Variants in SND1 observed in about 807,000 individuals in gnomAD.
SND1 encodes the protein staphylococcal nuclease and tudor domain containing 1.
SND1 carries 38 observed loss-of-function variants against 121.7 expected under a neutral mutation model. The observed-to-expected ratio is 0.31, with a 90% CI of 0.24 to 0.41. SND1 has a LOEUF of 0.41. Ranked by LOEUF, SND1 falls within the 10% of genes least tolerant of loss-of-function variation. The probability of loss-of-function intolerance (pLI) is 1.00; values close to 1 mark genes in which losing one functional copy is unlikely to be tolerated. For synonymous variants in SND1, 401 were observed against 447.4 expected (o/e 0.90, Z 1.31); for missense variants, 868 against 1,184.6 (o/e 0.73, Z 3.92).
chr7:127,963,434 T>A (rs1379182470), intron 15 of SND1, among the ~76,000 whole-genome samples: 3 of 137,652 alleles, frequency 2.2e-5, no homozygotes, highest in Non-Finnish European at 3.1e-5. Context: ...CCCCAGAGTG[T>A]GATATTCCCC....
intron 12 of SND1, 133 bp downstream of exon 12, chr7:127,844,557 G>A (rs1159740009): frequency 1.6e-6 from 1 of 633,346 alleles, no homozygotes; most frequent in African/African-American, 1.9e-5. Flanking sequence ...ATAATTTTGT[G>A]CCTGTGTAGC....
chr7:127,987,026 A>G (rs546342295), intron 15 of SND1, among the ~76,000 whole-genome samples: 2 of 152,356 alleles, frequency 1.3e-5, no homozygotes, highest in East Asian at 1.9e-4. Flanking sequence ...CTGAGTTAAT[A>G]TATCTTTATC....
chr7:127,936,550 C>G (rs142762957), intron 15 of SND1, among the ~76,000 whole-genome samples: 258 of 151,824 alleles, frequency 1.7e-3, no homozygotes, highest in African/African-American at 5.9e-3. Context: ...TCTTTTTTCT[C>G]TTGTTTCTTT....
intron 14 of SND1, among the ~76,000 whole-genome samples, chr7:127,925,607 C>CT (rs569713380): frequency 0.026 from 3,703 of 140,828 alleles, 76 homozygotes; most frequent in South Asian, 0.092. Flanking sequence ...GTGGGTGTTT[C>CT]TTTTTTTTTT....
At chr7:128,089,229 T>G (rs1793735392) in intron 21 of SND1, among the ~76,000 whole-genome samples, 1 of 151,890 alleles carries the variant, frequency 6.6e-6, no homozygotes, top group African/African-American at 2.4e-5. Context: ...AATTTTTGTG[T>G]TTTTGGTAGA....
chr7:127,821,857 G>A (rs1440569644), intron 11 of SND1, among the ~76,000 whole-genome samples: 1 of 152,122 alleles, frequency 6.6e-6, no homozygotes, highest in Non-Finnish European at 1.5e-5. Context: ...ACATTTTGAC[G>A]TCATTTGGCA....
At chr7:127,875,442 G>A (rs959476793) in intron 12 of SND1, among the ~76,000 whole-genome samples, 5 of 152,152 alleles carry the variant, frequency 3.3e-5, no homozygotes, top group African/African-American at 4.8e-5. Flanking sequence ...CTAAGGAGTA[G>A]CCTGTTCAGG....
At chr7:127,975,214 G>T (rs779742943) in intron 15 of SND1, among the ~76,000 whole-genome samples, 2 of 152,146 alleles carry the variant, frequency 1.3e-5, no homozygotes, top group African/African-American at 2.4e-5. Context: ...GACGTGCAGC[G>T]CATCGTTTTT....
At chr7:127,801,485 A>G (rs1382585254) in intron 10 of SND1, among the ~76,000 whole-genome samples, 1 of 152,074 alleles carries the variant, frequency 6.6e-6, no homozygotes, top group East Asian at 1.9e-4. Context: ...AACCCCACCA[A>G]CTCTCAGTAC....
chr7:127,773,127 A>T (rs1049377034), intron 10 of SND1, among the ~76,000 whole-genome samples: 15 of 152,348 alleles, frequency 9.8e-5, no homozygotes, highest in African/African-American at 3.4e-4. Context: ...ATAAATAAGC[A>T]TATATACAAA....
intron 2 of SND1, among the ~76,000 whole-genome samples, chr7:127,693,594 G>C (rs1246178840): frequency 6.6e-6 from 1 of 152,108 alleles, no homozygotes; most frequent in African/African-American, 2.4e-5. Flanking sequence ...AATTAGCATG[G>C]ACCAAAAAGG....
chr7:127,700,363 T>C (rs954896115), intron 4 of SND1, among the ~76,000 whole-genome samples: 2 of 152,194 alleles, frequency 1.3e-5, no homozygotes, highest in African/African-American at 4.8e-5. Flanking sequence ...TGAAGACTTC[T>C]GGCTTGAGAA....
intron 16 of SND1, among the ~76,000 whole-genome samples, chr7:128,032,359 C>T (rs1792650615): frequency 6.6e-6 from 1 of 151,018 alleles, no homozygotes; most frequent in South Asian, 2.1e-4. Context: ...CCCCTCTAGA[C>T]GAGCGGAGCG....
chr7:127,959,550 C>T (rs1184340034), intron 15 of SND1, among the ~76,000 whole-genome samples: 2 of 152,182 alleles, frequency 1.3e-5, no homozygotes, highest in Non-Finnish European at 2.9e-5. Flanking sequence ...TTTGCACTCT[C>T]TTCTGGATAT....
chr7:127,829,226 C>A (rs928090098), intron 11 of SND1, among the ~76,000 whole-genome samples: 1 of 152,174 alleles, frequency 6.6e-6, no homozygotes, highest in Non-Finnish European at 1.5e-5. Flanking sequence ...CCCCCTCCCC[C>A]ACATAGTTTA....
intron 6 of SND1, among the ~76,000 whole-genome samples, chr7:127,702,771 C>T (rs1268293942): frequency 6.6e-6 from 1 of 151,904 alleles, no homozygotes. Context: ...GTATGTAAAC[C>T]TAGAGAAATG....
At chr7:127,797,216 A>C (rs576257206) in intron 10 of SND1, among the ~76,000 whole-genome samples, 1 of 152,244 alleles carries the variant, frequency 6.6e-6, no homozygotes, top group East Asian at 1.9e-4. Context: ...CTTAAGAGGA[A>C]ACCGAGGCAA....
chr7:127,784,352 A>G (rs1003359272), intron 10 of SND1, among the ~76,000 whole-genome samples: 7 of 152,200 alleles, frequency 4.6e-5, no homozygotes, highest in Non-Finnish European at 8.8e-5. Context: ...CCTCTCTAGC[A>G]TGACCTCCTC....
intron 10 of SND1, among the ~76,000 whole-genome samples, chr7:127,774,368 A>G (rs140910674): frequency 2.2e-4 from 33 of 152,360 alleles, no homozygotes; most frequent in African/African-American, 7.9e-4. Context: ...AGATTAATCT[A>G]TTATTGAAGA....
Sources: allele counts gnomAD v4.1 joint callset (sites outside exome capture counted in the v4.1 genomes callset), GRCh38; gene constraint gnomAD v4.1.1; transcripts MANE v1.5; gene names NCBI Gene and HGNC (gene_info 2026-07-23, HGNC 2026-07-21).